ZBTB20: variants seen among roughly 807,000 people sequenced by gnomAD.
The protein encoded by ZBTB20 is zinc finger and BTB domain containing 20.
In ZBTB20, 9 loss-of-function variants were observed where a neutral mutation model predicts 56.9. The ratio of observed to expected loss-of-function variants is 0.16; its 90% CI spans 0.10 to 0.28. The LOEUF (loss-of-function observed/expected upper bound fraction) is 0.28, where lower values mean the gene tolerates loss of function less well. Among genes scored for constraint, ZBTB20 ranks in the 10% least tolerant of loss-of-function variants. The pLI, the probability that ZBTB20 is intolerant of heterozygous loss-of-function variation, is 1.00. For missense variants in ZBTB20, 655 were observed against 1,003.0 expected (o/e 0.65, Z 4.69); for synonymous variants, 417 against 420.7 (o/e 0.99, Z 0.11).
At chr3:114,466,558 G>T (rs1195576952) in intron 7 of ZBTB20, among the ~76,000 whole-genome samples, 1 of 152,180 alleles carries the variant, frequency 6.6e-6, no homozygotes, top group African/African-American at 2.4e-5. Flanking sequence ...GGGAACAAAA[G>T]ACTAAATTTG....
At chr3:114,710,377 T>C (rs1027726071) in intron 5 of ZBTB20, 3 of 152,182 alleles carry the variant, frequency 2.0e-5, no homozygotes, top group African/African-American at 4.8e-5. Context: ...TAATCCTTCC[T>C]CTGAACTCCT....
intron 1 of ZBTB20, among the ~76,000 whole-genome samples, chr3:115,131,064 T>C (rs1335607016): frequency 1.3e-5 from 2 of 152,062 alleles, no homozygotes; most frequent in African/African-American, 2.4e-5. Context: ...CCCGGCCAAT[T>C]ATTTTTATTT....
intron 6 of ZBTB20, among the ~76,000 whole-genome samples, chr3:114,615,581 C>T (rs2057876975): frequency 6.6e-6 from 1 of 152,166 alleles, no homozygotes; most frequent in Non-Finnish European, 1.5e-5. Flanking sequence ...ACAAGAACTC[C>T]TGTACTCTGA....
chr3:115,105,589 G>A (rs975292457), intron 1 of ZBTB20, among the ~76,000 whole-genome samples: 1 of 152,018 alleles, frequency 6.6e-6, no homozygotes, highest in Non-Finnish European at 1.5e-5. Flanking sequence ...AATACCCATA[G>A]CTCTCAATAC....
At chr3:114,590,711 G>C (rs1269529254) in intron 6 of ZBTB20, among the ~76,000 whole-genome samples, 3 of 151,980 alleles carry the variant, frequency 2.0e-5, no homozygotes, top group Admixed American at 6.6e-5. Flanking sequence ...TGGAAGTCCT[G>C]GTAACTTTTG....
chr3:114,575,640 T>G (rs2053934779), intron 6 of ZBTB20, among the ~76,000 whole-genome samples: 1 of 151,590 alleles, frequency 6.6e-6, no homozygotes. Context: ...ATTTAAATAG[T>G]AAACAACACG....
At chr3:114,443,016 TTG>T (rs1273554632) in intron 7 of ZBTB20, among the ~76,000 whole-genome samples, 1 of 152,124 alleles carries the variant, frequency 6.6e-6, no homozygotes, top group Admixed American at 6.6e-5. Flanking sequence ...AATGCTATAC[TTG>T]CCCTCTTCTT....
At chr3:115,016,377 A>G (rs1028278793) in intron 2 of ZBTB20, among the ~76,000 whole-genome samples, 2 of 151,968 alleles carry the variant, frequency 1.3e-5, no homozygotes, top group Non-Finnish European at 2.9e-5. Context: ...TTTTGTCATG[A>G]AATCCTTCCC....
intron 6 of ZBTB20, among the ~76,000 whole-genome samples, chr3:114,535,579 C>T (rs2048365805): frequency 6.6e-6 from 1 of 152,154 alleles, no homozygotes; most frequent in African/African-American, 2.4e-5. Context: ...GGAGCTGGTA[C>T]CATTCCTTCT....
chr3:114,668,754 A>G (rs994425247), intron 6 of ZBTB20, among the ~76,000 whole-genome samples: 3 of 152,074 alleles, frequency 2.0e-5, no homozygotes, highest in Non-Finnish European at 4.4e-5. Context: ...AGTAATAACG[A>G]GACCAATAAA....
chr3:114,400,971 T>C (rs979813341), intron 7 of ZBTB20, among the ~76,000 whole-genome samples: 3 of 152,036 alleles, frequency 2.0e-5, no homozygotes, highest in Non-Finnish European at 4.4e-5. Context: ...ACAAGCAGCA[T>C]GAATCATGTC....
At chr3:114,561,967 T>C (rs142679457) in intron 6 of ZBTB20, among the ~76,000 whole-genome samples, 10 of 152,308 alleles carry the variant, frequency 6.6e-5, no homozygotes, top group African/African-American at 2.4e-4. Flanking sequence ...ATCATCCAGA[T>C]AACTTGCTTC....
In ZBTB20 at chr3:114,821,991, G is replaced by A. The variant is rs115990641; in HGVS notation, c.-416-20817C>T. ...AATGAATGAATAAAAGTAAAACTGGGGCTATTCTAATGTATTTACAAAGTA... is the reference window on the plus strand; with the variant it reads ...AATGAATGAATAAAAGTAAAACTGGAGCTATTCTAATGTATTTACAAAGTA... On this transcript the variant is annotated intron_variant, in intron 4 of 11. Transcript: ENST00000675478. 2.6e-3 allele frequency among the ~76,000 whole-genome samples: 392 copies of A among 151,936 alleles called. 1 individual carries two copies. Among genetic ancestry groups the A allele is most frequent in the African/African-American group, 9.1e-3 (376 of 41,428 alleles).
At chr3:114,588,909 C>G (rs982469938) in intron 6 of ZBTB20, among the ~76,000 whole-genome samples, 4 of 152,116 alleles carry the variant, frequency 2.6e-5, no homozygotes, top group Non-Finnish European at 4.4e-5. Context: ...CTGGGGAAGC[C>G]TCAGGAAACT....
intron 4 of ZBTB20, among the ~76,000 whole-genome samples, chr3:114,895,229 C>T (rs1490360291): frequency 2.0e-5 from 3 of 152,098 alleles, no homozygotes; most frequent in Non-Finnish European, 4.4e-5. Context: ...CCTTACACAG[C>T]GATTTATGCA....
At chr3:114,649,015 A>T (rs561703944) in intron 6 of ZBTB20, among the ~76,000 whole-genome samples, 1 of 152,178 alleles carries the variant, frequency 6.6e-6, no homozygotes, top group South Asian at 2.1e-4. Context: ...GAAGTAGCTC[A>T]CCATTTAAAA....
At chr3:114,525,127 A>G (rs924905349) in intron 6 of ZBTB20, among the ~76,000 whole-genome samples, 3 of 151,554 alleles carry the variant, frequency 2.0e-5, no homozygotes, top group Admixed American at 1.3e-4. Context: ...CGCTCTCTAA[A>G]CTTAACTTGT....
chr3:115,007,504 AT>A (rs1424517220), intron 2 of ZBTB20, among the ~76,000 whole-genome samples: 1 of 151,810 alleles, frequency 6.6e-6, no homozygotes, highest in Non-Finnish European at 1.5e-5. Flanking sequence ...TCTATTACTT[AT>A]CCCTTTTTCT....
At chr3:114,552,741 T>C (rs759362393) in intron 6 of ZBTB20, among the ~76,000 whole-genome samples, 2 of 152,148 alleles carry the variant, frequency 1.3e-5, no homozygotes, top group African/African-American at 4.8e-5. Context: ...AAAAAATATA[T>C]AAAACTCTCT....
Sources: allele counts gnomAD v4.1 joint callset (sites outside exome capture counted in the v4.1 genomes callset), GRCh38; gene constraint gnomAD v4.1.1; transcripts MANE v1.5; gene names NCBI Gene and HGNC (gene_info 2026-07-23, HGNC 2026-07-21).